C5: variants seen among roughly 807,000 people sequenced by gnomAD.
C5 encodes the protein C3 and PZP-like alpha-2-macroglobulin domain-containing protein 4.
In C5, 140 loss-of-function variants were observed where a neutral mutation model predicts 218.8. The ratio of observed to expected loss-of-function variants is 0.64; its 90% confidence interval spans 0.56 to 0.74. The LOEUF (loss-of-function observed/expected upper bound fraction) is 0.74. Among genes scored for constraint, C5 ranks in the 30% least tolerant of loss-of-function variants. The probability of loss-of-function intolerance (pLI) is 0.00; values close to 1 mark genes in which losing one functional copy is unlikely to be tolerated. For missense variants in C5, 1,700 were observed against 1,969.6 expected (o/e 0.86, Z 2.59); for synonymous variants, 614 against 682.3 (o/e 0.90, Z 1.56).
chr9:120,955,676 C>A (rs1407319315), intron 39 of C5, among the ~76,000 whole-genome samples: 2 of 151,818 alleles, frequency 1.3e-5, no homozygotes, highest in Admixed American at 6.6e-5. Flanking sequence ...AAGTTTCATA[C>A]AATGAAACTT....
At chr9:121,022,791 G>A (rs1414383832) in intron 10 of C5, among the ~76,000 whole-genome samples, 3 of 151,644 alleles carry the variant, frequency 2.0e-5, no homozygotes, top group Non-Finnish European at 4.4e-5. Context: ...TATACTGTCA[G>A]CATTTAGAGG....
At chr9:120,993,525 C>T (rs895294338) in intron 22 of C5, among the ~76,000 whole-genome samples, 8 of 152,202 alleles carry the variant, frequency 5.3e-5, no homozygotes, top group African/African-American at 9.7e-5. Context: ...CGGGTTCACG[C>T]CCTTCTCCTG....
At chr9:121,004,339 G>GTA (rs141135497) in intron 20 of C5, among the ~76,000 whole-genome samples, 4,267 of 152,006 alleles carry the variant, frequency 0.028, 214 homozygotes, top group African/African-American at 0.098. Context: ...CATTTTCAAT[G>GTA]TATGTGCATA....
chr9:121,052,363 A>T (rs1447730973), upstream of C5, among the ~76,000 whole-genome samples: 5 of 151,082 alleles, frequency 3.3e-5, 1 homozygote, highest in Admixed American at 3.3e-4. Flanking sequence ...AGGCTGAGGC[A>T]GGAGATTCAC....
At chr9:121,011,834 G>T (rs1285859962) in intron 17 of C5, among the ~76,000 whole-genome samples, 1 of 152,164 alleles carries the variant, frequency 6.6e-6, no homozygotes, top group Non-Finnish European at 1.5e-5. Context: ...CAATATGGAT[G>T]GAACTGGAGG....
chr9:121,069,249 T>A, the C5 span, among the ~76,000 whole-genome samples: 4 of 152,178 alleles, frequency 2.6e-5, no homozygotes, highest in Non-Finnish European at 5.9e-5. Context: ...AAACTATTCA[T>A]ATAACAGGGA....
chr9:121,028,720 A>G (rs529478116), intron 7 of C5, among the ~76,000 whole-genome samples: 1 of 152,318 alleles, frequency 6.6e-6, no homozygotes, highest in Admixed American at 6.5e-5. Context: ...GAGGGATAGC[A>G]TTAGGAGAAA....
At chr9:120,974,688 T>G (rs2046939468) in intron 30 of C5, 91 bp downstream of exon 30, 4 of 1,193,920 alleles carry the variant, frequency 3.4e-6, no homozygotes, top group Non-Finnish European at 5.0e-6. Flanking sequence ...GTTTAAGTAG[T>G]GAAGAGATAG....
rs537091804 is a variant in C5, at chr9:120,968,625, G to A, written c.4220+436C>T. 9.9e-5 allele frequency among the ~76,000 whole-genome samples: 15 copies of A among 152,254 alleles called. No individual in the cohort carries two copies. In the East Asian group the frequency reaches 1.2e-3, roughly 12 times the overall value. On this transcript the variant is annotated intron_variant, in intron 33 of 40. Coordinates refer to ENST00000223642, the MANE Select transcript of C5 (RefSeq NM_001735.3). ...ACCATTAGAATGACCTCTGGAGCCC[G>A]GGACATTTGGACAGCTCTAAGAGCT...
intron 28 of C5, 27 bp downstream of exon 28, chr9:120,980,056 T>C: frequency 6.2e-7 from 1 of 1,608,684 alleles, no homozygotes; most frequent in Non-Finnish European, 8.5e-7. Flanking sequence ...GAACACTCAC[T>C]GAATACATGT....
chr9:120,995,555 T>C (rs2131720993), intron 22 of C5, among the ~76,000 whole-genome samples: 1 of 152,260 alleles, frequency 6.6e-6, no homozygotes. Context: ...TTAGCATTAT[T>C]ATGTTTTCAA....
chr9:121,008,390 A>C lies in C5; in HGVS notation c.2348+18T>G. The C allele has an allele frequency of 6.4e-7, 1 of 1,565,174 alleles. No individual in the cohort carries two copies. The highest frequency in any genetic ancestry group is 8.8e-7 in the Non-Finnish European group (1 of 1,135,548). On this transcript the variant is annotated intron_variant, in intron 18 of 40. Coordinates refer to ENST00000223642, the MANE Select transcript of C5 (RefSeq NM_001735.3). ...TTATCCACATTTCTTTCAAGGAAAC[A>C]TGAAAGAAGTATAATACCTTCTGGG...
chr9:121,048,425 C>T (rs1282607827), intron 1 of C5, among the ~76,000 whole-genome samples: 3 of 152,224 alleles, frequency 2.0e-5, no homozygotes, highest in East Asian at 3.9e-4. Flanking sequence ...GTGAACCGCA[C>T]ATGCGAGGGA....
intron 7 of C5, among the ~76,000 whole-genome samples, chr9:121,029,240 C>T (rs1018501312): frequency 2.0e-5 from 3 of 152,178 alleles, no homozygotes; most frequent in African/African-American, 7.2e-5. Context: ...ATAATTTTCT[C>T]TCAAGTGAGC....
chr9:120,978,999 C>T (rs998265371), intron 28 of C5, among the ~76,000 whole-genome samples: 2 of 152,148 alleles, frequency 1.3e-5, no homozygotes, highest in African/African-American at 2.4e-5. Flanking sequence ...ATTTCAGCCT[C>T]GATTCACTTG....
At chr9:121,028,869 A>G (rs1245619895) in intron 7 of C5, among the ~76,000 whole-genome samples, 1 of 152,170 alleles carries the variant, frequency 6.6e-6, no homozygotes, top group East Asian at 1.9e-4. Context: ...TTCATGCACT[A>G]TTACATTTCA....
At chr9:121,025,058 T>C (rs1564157194) in intron 9 of C5, among the ~76,000 whole-genome samples, 1 of 152,248 alleles carries the variant, frequency 6.6e-6, no homozygotes, top group Non-Finnish European at 1.5e-5. Context: ...GTAATAACTT[T>C]TATTTGTATA....
At chr9:121,047,228 C>A (rs929178661) in intron 1 of C5, among the ~76,000 whole-genome samples, 2 of 152,086 alleles carry the variant, frequency 1.3e-5, no homozygotes, top group South Asian at 4.1e-4. Flanking sequence ...TAAGGTTATA[C>A]GGTTTGTAAG....
chr9:120,959,530 G>C (rs2046811089), intron 38 of C5, among the ~76,000 whole-genome samples: 1 of 151,912 alleles, frequency 6.6e-6, no homozygotes, highest in Non-Finnish European at 1.5e-5. Context: ...CAAAGTGCTG[G>C]TATTACAGGC....
Sources: allele counts gnomAD v4.1 joint callset (sites outside exome capture counted in the v4.1 genomes callset), GRCh38; gene constraint gnomAD v4.1.1; transcripts MANE v1.5; gene names NCBI Gene and HGNC (gene_info 2026-07-23, HGNC 2026-07-21).